KCNJ6: variants seen among roughly 807,000 people sequenced by gnomAD.
KCNJ6 encodes G protein-activated inward rectifier potassium channel 2.
A neutral mutation model predicts 34.2 loss-of-function variants in KCNJ6; 9 were observed. The ratio of observed to expected loss-of-function variants is 0.26; its 90% CI spans 0.16 to 0.46. The LOEUF (loss-of-function observed/expected upper bound fraction) is 0.46, where lower values mean the gene tolerates loss of function less well. Among genes scored for constraint, KCNJ6 ranks in the 20% least tolerant of loss-of-function variants. The pLI is 1.00. For missense variants in KCNJ6, 236 were observed against 531.3 expected (o/e 0.44, Z 5.46); for synonymous variants, 196 against 207.1 (o/e 0.95, Z 0.46).
intron 2 of KCNJ6, among the ~76,000 whole-genome samples, chr21:37,768,511 C>A (rs1367602831): frequency 1.3e-5 from 2 of 152,160 alleles, no homozygotes; most frequent in Non-Finnish European, 2.9e-5. Context: ...GTTGAATTTA[C>A]AAGATGGAGG....
At position 37,614,337 on chromosome 21, in the gene KCNJ6, A is replaced by G. The variant is rs927863646; in HGVS notation, c.*10822T>C. Reference sequence around the variant, plus strand: ...GAAATTTACTTTTGTGGTGTCACTCATAACTGATTGGAAAGGATAAGAGTG... The same window carrying G: ...GAAATTTACTTTTGTGGTGTCACTCGTAACTGATTGGAAAGGATAAGAGTG... On this transcript the variant is annotated 3_prime_UTR_variant, in exon 4 of 4. Transcript: ENST00000609713. 1 of 151,770 alleles carries G rather than the reference A, an allele frequency of 6.6e-6. No individual in the cohort carries two copies. The highest frequency in any genetic ancestry group is 2.4e-5 in the African/African-American group (1 of 41,180). 9.4% of individuals were successfully genotyped at this position (151,770 alleles called of 1,614,324 possible).
chr21:37,645,388 A>C (rs1047584574), intron 3 of KCNJ6, among the ~76,000 whole-genome samples: 1 of 152,162 alleles, frequency 6.6e-6, no homozygotes, highest in Non-Finnish European at 1.5e-5. Flanking sequence ...ATAAAAACAA[A>C]TAAACAAAAA....
At chr21:37,625,519 A>T (rs1279510124) in intron 3 of KCNJ6, 35 bp from the exon 4 acceptor site, 2 of 1,527,476 alleles carry the variant, frequency 1.3e-6, no homozygotes, top group Non-Finnish European at 1.8e-6. Flanking sequence ...TAGCATATGT[A>T]AGTGTGGGCT....
chr21:37,857,343 G>A (rs1322787397), intron 1 of KCNJ6, among the ~76,000 whole-genome samples: 1 of 152,180 alleles, frequency 6.6e-6, no homozygotes, highest in African/African-American at 2.4e-5. Context: ...CTTCATCCTG[G>A]GGGCATAGTC....
At chr21:37,900,979 G>A (rs2055814133) in intron 1 of KCNJ6, among the ~76,000 whole-genome samples, 1 of 152,086 alleles carries the variant, frequency 6.6e-6, no homozygotes, top group Non-Finnish European at 1.5e-5. Flanking sequence ...CCTATTTACA[G>A]TCTGTGCTAT....
intron 3 of KCNJ6, among the ~76,000 whole-genome samples, chr21:37,707,907 G>A (rs1628656): frequency 0.98 from 148,574 of 151,974 alleles, 72,656 homozygotes; most frequent in East Asian, 1. Flanking sequence ...ACGATTTGAC[G>A]TTCATCTCCT....
intron 2 of KCNJ6, among the ~76,000 whole-genome samples, chr21:37,823,195 C>G (rs567909210): frequency 6.6e-6 from 1 of 152,264 alleles, no homozygotes; most frequent in African/African-American, 2.4e-5. Flanking sequence ...AACACCAGGC[C>G]AGAGCCCTCA....
chr21:37,650,053 G>A lies in KCNJ6; in HGVS notation c.947-24569C>T, dbSNP rs111970092. 3.5e-3 allele frequency among the ~76,000 whole-genome samples: 529 copies of A among 152,074 alleles called. 3 individuals carry two copies. Among genetic ancestry groups the A allele is most frequent in the African/African-American group, 0.012 (490 of 41,454 alleles). Reference sequence around the variant, plus strand: ...GCTGGGATTACAGGTGTGAACCACCGCGCCTGGCCTAATTCCAGCATTTAA... The same window carrying A: ...GCTGGGATTACAGGTGTGAACCACCACGCCTGGCCTAATTCCAGCATTTAA... On this transcript the variant is annotated intron_variant, in intron 3 of 3. Coordinates refer to ENST00000609713, the MANE Select transcript of KCNJ6 (RefSeq NM_002240.5).
At chr21:37,868,295 G>C (rs568345434) in intron 1 of KCNJ6, among the ~76,000 whole-genome samples, 5 of 152,312 alleles carry the variant, frequency 3.3e-5, no homozygotes, top group Non-Finnish European at 5.9e-5. Flanking sequence ...TGAGATCTGC[G>C]ATTACAGAGA....
intron 2 of KCNJ6, among the ~76,000 whole-genome samples, chr21:37,773,046 C>T (rs551869492): frequency 1.2e-4 from 19 of 152,284 alleles, no homozygotes; most frequent in African/African-American, 3.6e-4. Flanking sequence ...TAGCCATTCT[C>T]GGGCAGTTCC....
intron 3 of KCNJ6, among the ~76,000 whole-genome samples, chr21:37,679,356 T>C (rs1286178800): frequency 1.3e-5 from 2 of 152,238 alleles, no homozygotes; most frequent in Admixed American, 6.5e-5. Context: ...ATACAAAAGC[T>C]ATGTGCCCTT....
At chr21:37,912,912 C>T (rs969765064) in intron 1 of KCNJ6, among the ~76,000 whole-genome samples, 3 of 152,166 alleles carry the variant, frequency 2.0e-5, no homozygotes, top group African/African-American at 7.2e-5. Flanking sequence ...AAATAACAAA[C>T]CAGAACCAGC....
intron 2 of KCNJ6, among the ~76,000 whole-genome samples, chr21:37,796,779 C>CTTTTTTT (rs1172378200): frequency 2.2e-4 from 16 of 71,496 alleles, no homozygotes; most frequent in East Asian, 4.8e-4. Flanking sequence ...TTCTTTCTTT[C>CTTTTTTT]TTTTTTTTTT....
chr21:37,657,889 C>G (rs925287620), intron 3 of KCNJ6, among the ~76,000 whole-genome samples: 6 of 152,234 alleles, frequency 3.9e-5, no homozygotes, highest in African/African-American at 1.4e-4. Flanking sequence ...ACGACGGTGT[C>G]TTTCCAGTGA....
In KCNJ6 at chr21:37,675,200, T is replaced by C. The variant is rs530940535; in HGVS notation, c.946+39011A>G. On this transcript the variant is annotated intron_variant, in intron 3 of 3. Transcript: ENST00000609713. The surrounding 1 kb of genome is among the most constrained non-coding windows in gnomAD (Gnocchi z 4.2). ...TGGCAATGTAGCAGGGGCTCCGTTT[T>C]GAACTACTGGCCTGTGCAAAACCAA... 2.0e-5 allele frequency among the ~76,000 whole-genome samples: 3 copies of C among 152,254 alleles called. No homozygotes were observed. The highest frequency in any genetic ancestry group is 4.4e-5 in the Non-Finnish European group (3 of 68,048).
At chr21:37,770,561 C>A (rs905643199) in intron 2 of KCNJ6, among the ~76,000 whole-genome samples, 1 of 152,142 alleles carries the variant, frequency 6.6e-6, no homozygotes, top group African/African-American at 2.4e-5. Context: ...TACTATCAAG[C>A]CAGTGCTGAA....
chr21:37,785,032 G>A (rs2055186536), intron 2 of KCNJ6, among the ~76,000 whole-genome samples: 1 of 152,172 alleles, frequency 6.6e-6, no homozygotes, highest in African/African-American at 2.4e-5. Flanking sequence ...AGTGTTTTAA[G>A]TAGAACTAGA....
chr21:37,778,113 A>G (rs560691588), intron 2 of KCNJ6, among the ~76,000 whole-genome samples: 1 of 152,300 alleles, frequency 6.6e-6, no homozygotes, highest in East Asian at 1.9e-4. Flanking sequence ...CCATGCTAGA[A>G]AAAGAACTGT....
intron 1 of KCNJ6, among the ~76,000 whole-genome samples, chr21:37,880,747 C>T (rs1413136097): frequency 6.6e-6 from 1 of 152,152 alleles, no homozygotes; most frequent in Non-Finnish European, 1.5e-5. Context: ...TGTTTTTATC[C>T]AGGGCTTTCC....
Sources: gnomAD v4.1 joint callset for allele counts (sites outside exome capture counted in the v4.1 genomes callset) on GRCh38, gnomAD v4.1.1 for gene constraint, Gnocchi (gnomAD v3.1) non-coding constraint, MANE v1.5 for transcripts, NCBI Gene and HGNC (gene_info 2026-07-23, HGNC 2026-07-21) for gene names.